The following LHFPL3 variants were observed in gnomAD, a reference collection of about 807,000 sequenced individuals.
The protein encoded by LHFPL3 is LHFPL tetraspan subfamily member 3, also known as LHFPL tetraspan subfamily member 3 protein.
In LHFPL3, 5 loss-of-function variants were observed where a neutral mutation model predicts 19.3. The ratio of observed to expected loss-of-function variants is 0.26; its 90% confidence interval spans 0.14 to 0.54. The LOEUF is 0.54. Ranked by LOEUF, LHFPL3 falls within the 20% of genes least tolerant of loss-of-function variation. The pLI, the probability that LHFPL3 is intolerant of heterozygous loss-of-function variation, is 0.94. For synonymous variants in LHFPL3, 133 were observed against 126.2 expected (o/e 1.05, Z -0.36); for missense variants, 249 against 307.4 (o/e 0.81, Z 1.42).
intron 2 of LHFPL3, among the ~76,000 whole-genome samples, chr7:104,831,892 G>T (rs1041959549): frequency 1.3e-5 from 2 of 151,922 alleles, no homozygotes; most frequent in Middle Eastern, 3.2e-3. Context: ...TAAATGGAGG[G>T]TTAATAATAC....
intron 1 of LHFPL3, among the ~76,000 whole-genome samples, chr7:104,625,443 G>A (rs1791524863): frequency 6.6e-6 from 1 of 152,102 alleles, no homozygotes; most frequent in African/African-American, 2.4e-5. Context: ...CCCACTCATG[G>A]GCACAAGCCC....
chr7:104,488,018 C>G (rs1793270690), intron 1 of LHFPL3, among the ~76,000 whole-genome samples: 1 of 152,164 alleles, frequency 6.6e-6, no homozygotes, highest in African/African-American at 2.4e-5. Context: ...TCTAGTTTCT[C>G]TCTGTTTCTC....
At chr7:104,575,373 C>T (rs923728821) in intron 1 of LHFPL3, among the ~76,000 whole-genome samples, 1 of 151,844 alleles carries the variant, frequency 6.6e-6, no homozygotes, top group African/African-American at 2.4e-5. Flanking sequence ...GAATCAACCT[C>T]GAAAATAAAT....
At position 104,723,722 on chromosome 7, in the gene LHFPL3, C is replaced by CAAA. The variant is rs1167618176; in HGVS notation, c.446-12926_446-12924dup. ...GGGCGACAGAGCAAGACTATGTCTCCAAAAAAAAAAAAAAAAAAAAAAAAA... is the reference window on the plus strand; with the variant it reads ...GGGCGACAGAGCAAGACTATGTCTCCAAAAAAAAAAAAAAAAAAAAAAAAAAAA... On this transcript the variant is annotated intron_variant, in intron 1 of 2. Coordinates refer to ENST00000424859, the MANE Select transcript of LHFPL3 (RefSeq NM_199000.3). 2.4e-3 allele frequency among the ~76,000 whole-genome samples: 113 copies of CAAA among 46,932 alleles called. 4 individuals carry two copies. Among genetic ancestry groups the CAAA allele is most frequent in the African/African-American group, 6.5e-3 (67 of 10,276 alleles). 30.8% of individuals were successfully genotyped at this position (46,932 alleles called of 152,430 possible).
chr7:104,383,647 C>T (rs1790876332), intron 1 of LHFPL3, among the ~76,000 whole-genome samples: 1 of 152,138 alleles, frequency 6.6e-6, no homozygotes, highest in South Asian at 2.1e-4. Context: ...AAATGCAGCT[C>T]TCAGTAAGGA....
intron 1 of LHFPL3, among the ~76,000 whole-genome samples, chr7:104,721,516 T>C (rs1474025799): frequency 3.3e-5 from 5 of 151,278 alleles, no homozygotes; most frequent in Admixed American, 1.3e-4. Context: ...TGTGCACATG[T>C]ACCCTAGAAC....
chr7:104,601,287 G>A (rs1790960870), intron 1 of LHFPL3, among the ~76,000 whole-genome samples: 1 of 152,176 alleles, frequency 6.6e-6, no homozygotes, highest in African/African-American at 2.4e-5. Flanking sequence ...TCTCCCATTA[G>A]TGACTAAACC....
At chr7:104,806,251 G>A (rs1167149812) in intron 2 of LHFPL3, among the ~76,000 whole-genome samples, 2 of 152,154 alleles carry the variant, frequency 1.3e-5, no homozygotes, top group Non-Finnish European at 2.9e-5. Flanking sequence ...TCATACTTAG[G>A]TTTCAATTAG....
chr7:104,736,993 A>C lies in LHFPL3; in HGVS notation c.682+82A>C, dbSNP rs1793838382. 3 of 1,111,680 alleles carry C rather than the reference A, an allele frequency of 2.7e-6. No homozygotes were observed. The East Asian group carries it at 7.7e-5, about 29-fold the overall frequency. 68.9% of individuals were successfully genotyped at this position (1,111,680 alleles called of 1,614,324 possible). A position where few individuals can be genotyped will look rare whatever the true frequency, so the allele number is the denominator to read the frequency against. On this transcript the variant is annotated intron_variant, in intron 2 of 2. Coordinates refer to ENST00000424859, the MANE Select transcript of LHFPL3 (RefSeq NM_199000.3). ...TCTCCATTCTTTCCCCTCAAATACTAGTGCTTCCCCTGAGGTTCTAATTTG... is the reference window on the plus strand; with the variant it reads ...TCTCCATTCTTTCCCCTCAAATACTCGTGCTTCCCCTGAGGTTCTAATTTG...
chr7:104,470,624 A>G (rs929289897), intron 1 of LHFPL3, among the ~76,000 whole-genome samples: 1 of 152,158 alleles, frequency 6.6e-6, no homozygotes, highest in Non-Finnish European at 1.5e-5. Flanking sequence ...ATCATTCCCT[A>G]TTGTACAGAT....
intron 1 of LHFPL3, among the ~76,000 whole-genome samples, chr7:104,526,900 G>T (rs1794197624): frequency 6.6e-6 from 1 of 152,198 alleles, no homozygotes; most frequent in Non-Finnish European, 1.5e-5. Flanking sequence ...ATACACTCTA[G>T]TGGGGAGACA....
chr7:104,706,347 A>G (rs973553753), intron 1 of LHFPL3, among the ~76,000 whole-genome samples: 1 of 152,072 alleles, frequency 6.6e-6, no homozygotes, highest in Non-Finnish European at 1.5e-5. Flanking sequence ...GACACTGACT[A>G]TATGGTGTCT....
intron 1 of LHFPL3, among the ~76,000 whole-genome samples, chr7:104,604,267 G>A (rs1791046042): frequency 6.6e-6 from 1 of 152,206 alleles, no homozygotes; most frequent in South Asian, 2.1e-4. Flanking sequence ...CTATGGCCAG[G>A]GTGGTCGAAG....
intron 1 of LHFPL3, among the ~76,000 whole-genome samples, chr7:104,662,005 A>G (rs953434549): frequency 2.0e-5 from 3 of 151,574 alleles, no homozygotes; most frequent in Non-Finnish European, 4.4e-5. Flanking sequence ...GGTAGCATCT[A>G]CGGCATGGAT....
chr7:104,389,886 A>G (rs1203773278), intron 1 of LHFPL3, among the ~76,000 whole-genome samples: 1 of 152,156 alleles, frequency 6.6e-6, no homozygotes, highest in Non-Finnish European at 1.5e-5. Flanking sequence ...TTACACACCT[A>G]AACGTTAGAA....
At chr7:104,769,369 A>G (rs1332890499) in intron 2 of LHFPL3, among the ~76,000 whole-genome samples, 1 of 152,258 alleles carries the variant, frequency 6.6e-6, no homozygotes, top group Non-Finnish European at 1.5e-5. Flanking sequence ...TCTCAAGTGT[A>G]GGATTGTTAA....
At chr7:104,796,542 A>G (rs935159049) in intron 2 of LHFPL3, 1 of 152,230 alleles carries the variant, frequency 6.6e-6, no homozygotes, top group Non-Finnish European at 1.5e-5. Context: ...CAAGTGACCT[A>G]TGAGTAGAGG....
chr7:104,589,904 G>T (rs1156583535), intron 1 of LHFPL3, among the ~76,000 whole-genome samples: 2 of 152,154 alleles, frequency 1.3e-5, no homozygotes, highest in Admixed American at 1.3e-4. Context: ...TTGTGTAGAG[G>T]TGTTTATAGT....
At chr7:104,529,168 A>G (rs1426650755) in intron 1 of LHFPL3, among the ~76,000 whole-genome samples, 1 of 152,144 alleles carries the variant, frequency 6.6e-6, no homozygotes, top group Non-Finnish European at 1.5e-5. Context: ...CCATCTCTGA[A>G]CCAATGACTA....
Sources: gnomAD v4.1 joint callset for allele counts (sites outside exome capture counted in the v4.1 genomes callset) on GRCh38, gnomAD v4.1.1 for gene constraint, MANE v1.5 for transcripts, NCBI Gene and HGNC (gene_info 2026-07-23, HGNC 2026-07-21) for gene names.